BCAT1: variants seen among roughly 807,000 people sequenced by gnomAD.
BCAT1 encodes the protein branched-chain-amino-acid aminotransferase, cytosolic.
A neutral mutation model predicts 52.4 loss-of-function variants in BCAT1; 48 were observed. The observed-to-expected ratio is 0.92, with a 90% CI of 0.73 to 1.16. The LOEUF (loss-of-function observed/expected upper bound fraction) is 1.16. BCAT1 is among the 50% of genes most tolerant of loss of function. The pLI, the probability that BCAT1 is intolerant of heterozygous loss-of-function variation, is 0.00. For synonymous variants in BCAT1, 167 were observed against 161.3 expected (o/e 1.04, Z -0.27); for missense variants, 451 against 457.1 (o/e 0.99, Z 0.12).
At chr12:24,914,232 C>T (rs1434470175) in intron 1 of BCAT1, among the ~76,000 whole-genome samples, 2 of 152,088 alleles carry the variant, frequency 1.3e-5, no homozygotes, top group African/African-American at 2.4e-5. Flanking sequence ...CAGGCACATG[C>T]TACTATGCCC....
At chr12:24,871,925 A>C (rs1231434164) in intron 5 of BCAT1, among the ~76,000 whole-genome samples, 1 of 152,244 alleles carries the variant, frequency 6.6e-6, no homozygotes, top group African/African-American at 2.4e-5. Flanking sequence ...TATGCAAATA[A>C]AACTGAATAT....
intron 3 of BCAT1, among the ~76,000 whole-genome samples, chr12:24,889,540 G>C (rs998542882): frequency 6.6e-6 from 1 of 152,202 alleles, no homozygotes; most frequent in African/African-American, 2.4e-5. Flanking sequence ...ATAAGAGTAA[G>C]GCAGAAATAA....
At chr12:24,825,538 T>C (rs1438439013) in intron 10 of BCAT1, among the ~76,000 whole-genome samples, 13 of 152,160 alleles carry the variant, frequency 8.5e-5, no homozygotes, top group Admixed American at 7.9e-4. Flanking sequence ...TGTTTTGCAT[T>C]TCTCTGATAA....
chr12:24,898,701 A>C (rs953704431), intron 2 of BCAT1, among the ~76,000 whole-genome samples: 1 of 151,838 alleles, frequency 6.6e-6, no homozygotes, highest in Middle Eastern at 3.4e-3. Flanking sequence ...TTTTTAATAC[A>C]AACAGGGTTT....
intron 9 of BCAT1, among the ~76,000 whole-genome samples, chr12:24,831,839 C>T (rs1250948563): frequency 1.3e-5 from 2 of 152,166 alleles, no homozygotes; most frequent in Non-Finnish European, 2.9e-5. Flanking sequence ...AGTATTGGAG[C>T]TTTGTTATAA....
Position 24,817,942 on chromosome 12 carries a change from C to G in BCAT1, c.*66G>C. 6.5e-7 allele frequency: 1 copy of G among 1,529,658 alleles called. No individual in the cohort carries two copies. Among genetic ancestry groups the G allele is most frequent in the South Asian group, 1.1e-5 (1 of 88,146 alleles). 94.8% of individuals were successfully genotyped at this position (1,529,658 alleles called of 1,614,324 possible). On this transcript the variant is annotated 3_prime_UTR_variant, in exon 11 of 11. Transcript: ENST00000261192. ...AAAGAAATCTATCACAATTCAAATG[C>G]AACAGTCTGTCCCAGTAGCATACAG...
chr12:24,856,623 G>A lies in BCAT1; in HGVS notation c.511-6674C>T, dbSNP rs570056209. ...GAAGGTGGCCATCTACAAGCCAGGA[G>A]AGCTCTTACCAGAAATCAGCTTTAC... On this transcript the variant is annotated intron_variant, in intron 5 of 10. Transcript: ENST00000261192. 2.2e-4 allele frequency among the ~76,000 whole-genome samples: 33 copies of A among 152,276 alleles called. No homozygotes were observed. In the South Asian group the frequency reaches 6.2e-3, roughly 29 times the overall value.
intron 5 of BCAT1, among the ~76,000 whole-genome samples, chr12:24,853,746 A>T (rs1370706241): frequency 6.6e-6 from 1 of 152,224 alleles, no homozygotes; most frequent in Non-Finnish European, 1.5e-5. Flanking sequence ...TAATGAGAAC[A>T]TATGGATGAC....
chr12:24,949,206 C>G, upstream of BCAT1: 1 of 519,282 alleles, frequency 1.9e-6, no homozygotes, highest in Non-Finnish European at 3.4e-6. Context: ...GAGTCTCTCC[C>G]AGCCCGAAGA....
At chr12:24,824,051 G>A (rs1940267837) in intron 10 of BCAT1, among the ~76,000 whole-genome samples, 1 of 152,120 alleles carries the variant, frequency 6.6e-6, no homozygotes, top group Non-Finnish European at 1.5e-5. Flanking sequence ...ATTTTGATGA[G>A]TTGCATTTCT....
At chr12:24,903,529 A>AG (rs1404275079) in intron 1 of BCAT1, 1 of 152,284 alleles carries the variant, frequency 6.6e-6, no homozygotes, top group Middle Eastern at 3.2e-3. Context: ...TGCAAACTGA[A>AG]GGGGGAGAAC....
chr12:24,876,019 T>C (rs1178026723), intron 5 of BCAT1, among the ~76,000 whole-genome samples: 1 of 152,098 alleles, frequency 6.6e-6, no homozygotes, highest in African/African-American at 2.4e-5. Flanking sequence ...CATTAGCCTA[T>C]GGTAGGGCAG....
chr12:24,932,393 C>T (rs1943688775), intron 1 of BCAT1, among the ~76,000 whole-genome samples: 1 of 152,182 alleles, frequency 6.6e-6, no homozygotes, highest in African/African-American at 2.4e-5. Context: ...GACCATGGTA[C>T]TCAGGTGTCA....
chr12:24,872,455 T>C (rs1416800824), intron 5 of BCAT1, among the ~76,000 whole-genome samples: 1 of 152,228 alleles, frequency 6.6e-6, no homozygotes, highest in Non-Finnish European at 1.5e-5. Context: ...AAACTGCTTA[T>C]GAGAGATGAT....
chr12:24,922,842 T>C (rs1021716082), intron 1 of BCAT1, among the ~76,000 whole-genome samples: 2 of 150,160 alleles, frequency 1.3e-5, no homozygotes, highest in Non-Finnish European at 3.0e-5. Flanking sequence ...TGAACTCCAG[T>C]CTGGGCAACA....
intron 1 of BCAT1, among the ~76,000 whole-genome samples, chr12:24,912,286 G>A (rs946940443): frequency 1.5e-4 from 23 of 152,024 alleles, no homozygotes; most frequent in African/African-American, 3.4e-4. Context: ...AGGCCGAGGC[G>A]GGCGGATCAC....
At chr12:24,902,415 T>C in intron 1 of BCAT1, 3 of 1,075,428 alleles carry the variant, frequency 2.8e-6, no homozygotes, top group Non-Finnish European at 3.4e-6. Context: ...ATGGTATTAG[T>C]GGGCAATTTA....
At chr12:24,912,181 G>A (rs1017164981) in intron 1 of BCAT1, among the ~76,000 whole-genome samples, 11 of 152,078 alleles carry the variant, frequency 7.2e-5, no homozygotes, top group Admixed American at 4.6e-4. Flanking sequence ...ATATGCTCAC[G>A]AAAATAAACC....
intron 6 of BCAT1, 101 bp from the exon 7 acceptor site, chr12:24,842,325 A>G (rs2139433786): frequency 7.7e-7 from 1 of 1,304,536 alleles, no homozygotes; most frequent in Non-Finnish European, 1.1e-6. Context: ...ACATGTGGAC[A>G]TAGTGAAGGT....
Sources: gnomAD v4.1 joint callset for allele counts (sites outside exome capture counted in the v4.1 genomes callset) on GRCh38, gnomAD v4.1.1 for gene constraint, MANE v1.5 for transcripts, NCBI Gene and HGNC (gene_info 2026-07-23, HGNC 2026-07-21) for gene names.